RNF180: variants seen among roughly 807,000 people sequenced by gnomAD.
The protein encoded by RNF180 is E3 ubiquitin-protein ligase RNF180.
In RNF180, 38 loss-of-function variants were observed where a neutral mutation model predicts 59.2. The ratio of observed to expected loss-of-function variants is 0.64; its 90% CI spans 0.50 to 0.84. The LOEUF is 0.84. Among genes scored for constraint, RNF180 ranks in the 40% least tolerant of loss-of-function variants. RNF180 has a pLI of 0.00. For synonymous variants in RNF180, 262 were observed against 240.3 expected (o/e 1.09, Z -0.84); for missense variants, 705 against 700.9 (o/e 1.01, Z -0.07).
At chr5:64,246,845 A>G (rs1358991104) in intron 5 of RNF180, among the ~76,000 whole-genome samples, 4 of 152,232 alleles carry the variant, frequency 2.6e-5, no homozygotes, top group Admixed American at 6.5e-5. Context: ...ATGAACATCT[A>G]TGAGAAAATC....
At chr5:64,234,093 T>C (rs1742258730) in intron 5 of RNF180, among the ~76,000 whole-genome samples, 1 of 152,230 alleles carries the variant, frequency 6.6e-6, no homozygotes, top group African/African-American at 2.4e-5. Context: ...TTCAGCTGTC[T>C]TGGTTTCTTC....
At chr5:64,307,601 A>T (rs748447896) in intron 5 of RNF180, among the ~76,000 whole-genome samples, 12 of 151,710 alleles carry the variant, frequency 7.9e-5, no homozygotes, top group Non-Finnish European at 1.2e-4. Flanking sequence ...TGATAAACTC[A>T]TAACTTAAAA....
In RNF180 at chr5:64,168,890, G is replaced by A. The variant is rs543867370; in HGVS notation, c.-1+2937G>A. Among the ~76,000 whole-genome samples the A allele has an allele frequency of 7.2e-5, 11 of 152,288 alleles. No individual in the cohort carries two copies. In the South Asian group the frequency reaches 1.4e-3, roughly 20 times the overall value. On this transcript the variant is annotated intron_variant, in intron 1 of 7. Coordinates refer to ENST00000389100, the MANE Select transcript of RNF180 (RefSeq NM_001113561.2). ...TTATTAGCAATTCTGAAATTGGGTA[G>A]CATCTCATTCCATAAAATAGAATGC...
intron 1 of RNF180, among the ~76,000 whole-genome samples, chr5:64,195,933 T>C (rs1751434124): frequency 6.6e-6 from 1 of 152,132 alleles, no homozygotes; most frequent in Admixed American, 6.5e-5. Flanking sequence ...CTTTGGGACG[T>C]GGGAGGAAAC....
chr5:64,371,296 C>T lies in RNF180; in HGVS notation c.*1482C>T, dbSNP rs1746652293. ...AATGGATATTTATAATTACTAATTG[C>T]TCAAAGTAAACATAAGGGAAAATAT... is the stretch of plus-strand genomic sequence containing the variant. On this transcript the variant is annotated 3_prime_UTR_variant, in exon 8 of 8. Transcript: ENST00000389100. 6.6e-6 allele frequency: 1 copy of T among 151,384 alleles called. No individual in the cohort carries two copies. The highest frequency in any genetic ancestry group is 2.1e-4 in the South Asian group (1 of 4,820). 9.4% of individuals were successfully genotyped at this position (151,384 alleles called of 1,614,324 possible).
intron 5 of RNF180, among the ~76,000 whole-genome samples, chr5:64,293,419 C>T (rs1285209586): frequency 1.3e-5 from 2 of 152,162 alleles, no homozygotes; most frequent in Non-Finnish European, 2.9e-5. Context: ...TAATCGGCCA[C>T]CTTGTCCCCT....
rs1364967646 is a variant in RNF180 at position 64,186,424 on chromosome 5, AG to A, written c.1-14382del. Among the ~76,000 whole-genome samples the A allele has an allele frequency of 9.9e-5, 15 of 152,212 alleles. 2 individuals are homozygous for A. The highest frequency in any genetic ancestry group is 3.6e-4 in the African/African-American group (15 of 41,548). ...GCCTGAGAAGCACTTGGGAGGAAGA[AG>A]GCTCCATTTGACCTCAGGCTCAAGT... On this transcript the variant is annotated intron_variant, in intron 1 of 7. Transcript: ENST00000389100.
intron 5 of RNF180, among the ~76,000 whole-genome samples, chr5:64,316,907 C>A (rs988309635): frequency 1.3e-5 from 2 of 152,166 alleles, no homozygotes; most frequent in African/African-American, 4.8e-5. Context: ...CACCCCCTGG[C>A]AAATACTAAA....
intron 5 of RNF180, among the ~76,000 whole-genome samples, chr5:64,298,322 A>G (rs926104479): frequency 1.3e-5 from 2 of 151,984 alleles, no homozygotes; most frequent in African/African-American, 2.4e-5. Context: ...GCCCATGCCT[A>G]TGTCCAGGTT....
At chr5:64,209,350 T>A (rs1752187459) in intron 2 of RNF180, among the ~76,000 whole-genome samples, 1 of 152,046 alleles carries the variant, frequency 6.6e-6, no homozygotes, top group African/African-American at 2.4e-5. Context: ...TTATGATCAA[T>A]GCTATGTGAT....
At chr5:64,223,146 C>G (rs1379126545) in intron 5 of RNF180, among the ~76,000 whole-genome samples, 1 of 152,266 alleles carries the variant, frequency 6.6e-6, no homozygotes, top group South Asian at 2.1e-4. Context: ...ATAATAGAAT[C>G]TGTTCCTTTC....
intron 5 of RNF180, among the ~76,000 whole-genome samples, chr5:64,220,049 T>G (rs1353685307): frequency 2.6e-5 from 4 of 152,316 alleles, no homozygotes; most frequent in Non-Finnish European, 4.4e-5. Context: ...TTATTTGTTA[T>G]TTTAATGTCT....
intron 2 of RNF180, among the ~76,000 whole-genome samples, chr5:64,203,509 T>C (rs1475106743): frequency 6.6e-6 from 1 of 152,140 alleles, no homozygotes; most frequent in Admixed American, 6.6e-5. Context: ...ACCAATCTTA[T>C]TTCTGTCTCT....
chr5:64,173,684 C>T (rs1750068575), intron 1 of RNF180, among the ~76,000 whole-genome samples: 1 of 151,154 alleles, frequency 6.6e-6, no homozygotes, highest in Admixed American at 6.6e-5. Flanking sequence ...ATTCTGGTGA[C>T]TGCTGTTTTC....
At chr5:64,247,141 C>G (rs1377395607) in intron 5 of RNF180, among the ~76,000 whole-genome samples, 1 of 152,094 alleles carries the variant, frequency 6.6e-6, no homozygotes, top group Admixed American at 6.6e-5. Context: ...TTATGACAAA[C>G]CCACAGCCAA....
chr5:64,311,924 G>A (rs1185613450), intron 5 of RNF180, among the ~76,000 whole-genome samples: 6 of 151,910 alleles, frequency 3.9e-5, no homozygotes, highest in East Asian at 1.9e-4. Flanking sequence ...ATGGATATCC[G>A]ATATTATGCA....
chr5:64,232,859 A>G (rs1293934617), intron 5 of RNF180, among the ~76,000 whole-genome samples: 3 of 152,190 alleles, frequency 2.0e-5, no homozygotes, highest in Non-Finnish European at 2.9e-5. Context: ...TATTATTGCC[A>G]TTTTACAGAT....
intron 5 of RNF180, among the ~76,000 whole-genome samples, chr5:64,272,560 A>G (rs1168826509): frequency 2.0e-5 from 3 of 152,040 alleles, no homozygotes; most frequent in African/African-American, 2.4e-5. Context: ...TTTTTAAACT[A>G]TGGAGTGGCG....
At chr5:64,312,443 C>T (rs1488336247) in intron 5 of RNF180, among the ~76,000 whole-genome samples, 1 of 151,954 alleles carries the variant, frequency 6.6e-6, no homozygotes, top group African/African-American at 2.4e-5. Flanking sequence ...ATTTGTTAAG[C>T]ATATATAAAG....
Sources: allele counts gnomAD v4.1 joint callset (sites outside exome capture counted in the v4.1 genomes callset), GRCh38; gene constraint gnomAD v4.1.1; transcripts MANE v1.5; gene names NCBI Gene and HGNC (gene_info 2026-07-23, HGNC 2026-07-21).